Variants in LRRFIP2 observed in about 807,000 individuals in gnomAD.
The protein encoded by LRRFIP2 is leucine-rich repeat flightless-interacting protein 2.
In LRRFIP2, 109 loss-of-function variants were observed where a neutral mutation model predicts 125.9. That is an observed-to-expected ratio of 0.87 (90% confidence interval 0.74 to 1.01). The LOEUF is 1.01. Among genes scored for constraint, LRRFIP2 ranks in the 50% least tolerant of loss-of-function variants. LRRFIP2 has a pLI of 0.00. For synonymous variants in LRRFIP2, 291 were observed against 293.1 expected (o/e 0.99, Z 0.07); for missense variants, 850 against 862.3 (o/e 0.99, Z 0.18).
At chr3:37,133,731 T>G (rs923852716) in intron 2 of LRRFIP2, among the ~76,000 whole-genome samples, 1 of 152,136 alleles carries the variant, frequency 6.6e-6, no homozygotes, top group African/African-American at 2.4e-5. Flanking sequence ...GATGGCTGCA[T>G]GACAATGCAA....
intron 15 of LRRFIP2, among the ~76,000 whole-genome samples, chr3:37,101,658 C>T (rs2094055724): frequency 8.4e-6 from 1 of 119,396 alleles, no homozygotes; most frequent in African/African-American, 3.5e-5. Flanking sequence ...GGTCTCAACC[C>T]TGTCACCAAG....
chr3:37,072,079 A>G (rs1306778177), intron 21 of LRRFIP2, among the ~76,000 whole-genome samples: 1 of 152,190 alleles, frequency 6.6e-6, no homozygotes, highest in African/African-American at 2.4e-5. Flanking sequence ...TTTATACACC[A>G]AGGATTTATA....
At chr3:37,129,029 C>A (rs768823199) in intron 3 of LRRFIP2, 34 bp downstream of exon 3, 13 of 1,583,940 alleles carry the variant, frequency 8.2e-6, no homozygotes, top group Non-Finnish European at 1.0e-5. Flanking sequence ...TTGGGGGAGA[C>A]AAATATGAAA....
intron 1 of LRRFIP2, among the ~76,000 whole-genome samples, chr3:37,160,912 CA>C (rs1223692564): frequency 2.6e-5 from 4 of 152,032 alleles, no homozygotes; most frequent in African/African-American, 9.7e-5. Context: ...TATGCCCACA[CA>C]AAAACTTGTA....
At chr3:37,149,778 A>G (rs139210401) in intron 1 of LRRFIP2, among the ~76,000 whole-genome samples, 2 of 152,142 alleles carry the variant, frequency 1.3e-5, no homozygotes, top group East Asian at 3.9e-4. Flanking sequence ...AGGTGGGCAG[A>G]TCACTTGAAG....
At position 37,119,752 on chromosome 3, in the gene LRRFIP2, C is replaced by T. The variant is rs1455262751; in HGVS notation, c.330+1740G>A. ...CTCAGCTCACTGCAACCTCCGCCCA[C>T]GGATCCAACTGATTCTCATGCCTCA... is the stretch of plus-strand genomic sequence containing the variant. On this transcript the variant is annotated intron_variant, in intron 6 of 27. Coordinates refer to ENST00000336686, the MANE Select transcript of LRRFIP2 (RefSeq NM_006309.4). Among the ~76,000 whole-genome samples the T allele has an allele frequency of 3.3e-5, 5 of 152,304 alleles. No homozygotes were observed. In the South Asian group the frequency reaches 8.3e-4, roughly 25 times the overall value.
At chr3:37,083,488 A>G in intron 19 of LRRFIP2, 148 bp downstream of exon 19, 2 of 484,696 alleles carry the variant, frequency 4.1e-6, no homozygotes, top group Middle Eastern at 5.4e-4. Context: ...CCAGGGCCTG[A>G]TATCTCATGG....
At chr3:37,145,024 T>C (rs1357363326) in intron 2 of LRRFIP2, among the ~76,000 whole-genome samples, 1 of 152,210 alleles carries the variant, frequency 6.6e-6, no homozygotes, top group Non-Finnish European at 1.5e-5. Context: ...TTAAGAGACA[T>C]AATATTTACT....
rs150518151 is a variant in LRRFIP2, at chr3:37,121,520, A to G, written c.302T>C (p.Leu101Ser). Residue 101 changes from leucine (L) to serine (S), a missense_variant, in exon 6 of 28, where the codon TTG (leucine) becomes TCG (serine). Transcript: ENST00000336686. ...HRPYLGVEDALSIRSVGSHRY... is the reference protein window; with the variant it reads ...HRPYLGVEDASSIRSVGSHRY... ...GTGACTGCCAACACTTCGAATGGAC[A>G]ATGCATCCTCAACTCCCTGATAAAA... 829 of 1,614,094 alleles carry G rather than the reference A, an allele frequency of 5.1e-4. 2 individuals carry two copies. The highest frequency in any genetic ancestry group is 4.2e-3 in the East Asian group (187 of 44,862).
intron 24 of LRRFIP2, 104 bp from the exon 25 acceptor site, chr3:37,059,014 A>G: frequency 7.1e-7 from 1 of 1,414,250 alleles, no homozygotes; most frequent in African/African-American, 1.4e-5. Context: ...TTATCGTATC[A>G]GCCACATTCA....
intron 6 of LRRFIP2, among the ~76,000 whole-genome samples, chr3:37,118,460 T>C (rs970245276): frequency 6.6e-6 from 1 of 152,258 alleles, no homozygotes; most frequent in African/African-American, 2.4e-5. Context: ...TGTTCTGCAC[T>C]ATTAATAATC....
chr3:37,078,152 G>C (rs1199609238), intron 19 of LRRFIP2, among the ~76,000 whole-genome samples: 4 of 151,980 alleles, frequency 2.6e-5, no homozygotes, highest in Non-Finnish European at 5.9e-5. Context: ...AATTTATCAT[G>C]TTTTTTAATG....
intron 15 of LRRFIP2, among the ~76,000 whole-genome samples, chr3:37,101,079 T>C (rs547492813): frequency 1.3e-5 from 2 of 152,254 alleles, no homozygotes; most frequent in South Asian, 4.2e-4. Flanking sequence ...AAATGTTGGC[T>C]GGGCGCGGTG....
rs1364847311 is a variant in LRRFIP2 at position 37,072,880 on chromosome 3, C to G, written c.1374G>C (p.Glu458Asp). Reference protein sequence around the residue: ...GLRQRDELIEEKQRMQQKIDT... With the variant: ...GLRQRDELIEDKQRMQQKIDT... The stretch of plus-strand genomic sequence containing the variant: ...CTATTTTCTGCTGCATGCGCTGCTT[C>G]TCCTGCAGAGGAAGAGGGGAAGAGA... Residue 458 changes from glutamate (E) to aspartate (D), a missense_variant and splice_region_variant, in exon 21 of 28, where the codon GAG (glutamate) becomes GAC (aspartate). By Grantham distance (45) the Glu-to-Asp change is conservative. Coordinates refer to ENST00000336686, the MANE Select transcript of LRRFIP2 (RefSeq NM_006309.4). 1 of 1,604,402 alleles carries G rather than the reference C, an allele frequency of 6.2e-7. No homozygotes were observed. The highest frequency in any genetic ancestry group is 8.5e-7 in the Non-Finnish European group (1 of 1,173,328).
chr3:37,058,725 G>C (rs1575763390), intron 25 of LRRFIP2, 65 bp downstream of exon 25: 1 of 1,538,528 alleles, frequency 6.5e-7, no homozygotes, highest in South Asian at 1.2e-5. Flanking sequence ...GCAACCTGCT[G>C]ACAAACCCAC....
At chr3:37,139,272 C>A (rs1366142772) in intron 2 of LRRFIP2, among the ~76,000 whole-genome samples, 2 of 152,088 alleles carry the variant, frequency 1.3e-5, no homozygotes, top group Admixed American at 1.3e-4. Flanking sequence ...CACAATGAAC[C>A]ATACAAGGTT....
chr3:37,163,764 T>C (rs945311074), intron 1 of LRRFIP2, among the ~76,000 whole-genome samples: 2 of 152,190 alleles, frequency 1.3e-5, no homozygotes, highest in Admixed American at 6.5e-5. Flanking sequence ...AATACATGTA[T>C]GGACATGGAG....
At chr3:37,096,134 T>C (rs1221240932) in intron 16 of LRRFIP2, among the ~76,000 whole-genome samples, 1 of 152,088 alleles carries the variant, frequency 6.6e-6, no homozygotes, top group Non-Finnish European at 1.5e-5. Context: ...TTTATCTTTC[T>C]TGGGTATAGC....
chr3:37,085,765 G>C (rs1033542802), intron 18 of LRRFIP2, among the ~76,000 whole-genome samples: 6 of 151,772 alleles, frequency 4.0e-5, no homozygotes, highest in Admixed American at 1.3e-4. Context: ...GTATTTTTTA[G>C]TAGAGATGGG....
Sources: gnomAD v4.1 joint callset for allele counts (sites outside exome capture counted in the v4.1 genomes callset) on GRCh38, gnomAD v4.1.1 for gene constraint, MANE v1.5 for transcripts, NCBI Gene and HGNC (gene_info 2026-07-23, HGNC 2026-07-21) for gene names.